The following BICD1 variants were observed in gnomAD, a reference collection of about 807,000 sequenced individuals.
The protein encoded by BICD1 is BICD cargo adaptor 1.
A neutral mutation model predicts 92.5 loss-of-function variants in BICD1; 35 were observed. That is an observed-to-expected ratio of 0.38 (90% CI 0.29 to 0.50). The LOEUF (loss-of-function observed/expected upper bound fraction) is 0.50. BICD1 is among the 20% of genes least tolerant of loss of function. BICD1 has a pLI of 0.93. For missense variants in BICD1, 950 were observed against 1,189.8 expected (o/e 0.80, Z 2.97); for synonymous variants, 429 against 465.1 (o/e 0.92, Z 1.00).
chr12:32,123,282 C>G (rs1372864618), intron 1 of BICD1, among the ~76,000 whole-genome samples: 1 of 152,148 alleles, frequency 6.6e-6, no homozygotes, highest in Non-Finnish European at 1.5e-5. Flanking sequence ...GAGGGGGCCA[C>G]ATGATGTAGC....
intron 1 of BICD1, among the ~76,000 whole-genome samples, chr12:32,202,718 C>T (rs897946): frequency 0.11 from 17,146 of 152,112 alleles, 1,122 homozygotes; most frequent in South Asian, 0.18. Context: ...TCAAGCAGTC[C>T]TCCCATCTCA....
At chr12:32,330,531 A>G (rs1937805810) in intron 5 of BICD1, among the ~76,000 whole-genome samples, 1 of 151,710 alleles carries the variant, frequency 6.6e-6, no homozygotes, top group African/African-American at 2.4e-5. Context: ...TATGTAACAA[A>G]CCTGTACGTT....
chr12:32,337,642 T>C lies in BICD1; in HGVS notation c.2396T>C (p.Phe799Ser). 1 of 1,614,174 alleles carries C rather than the reference T, an allele frequency of 6.2e-7. No homozygotes were observed. Among genetic ancestry groups the C allele is most frequent in the East Asian group, 2.2e-5 (1 of 44,874 alleles). Residue 799 changes from phenylalanine (F) to serine (S), a missense_variant, in exon 7 of 10, where the codon TTT (phenylalanine) becomes TCT (serine). Around this residue, in one of 5 missense-constraint regions of BICD1, gnomAD observed 309 missense variants for 499.4 expected, o/e 0.62. Coordinates refer to ENST00000652176, the MANE Select transcript of BICD1 (RefSeq NM_001714.4). This position sits in a 1 kb window ranked among gnomAD's most constrained non-coding sequence, Gnocchi z 4.7. ...ALTQRLEDLE[F>S]DHEQSRRSKG... ...ACCCAGAGGCTGGAGGACTTAGAGT[T>C]TGACCATGAGCAGTCCCGACGCAGC...
At chr12:32,369,549 G>A (rs924454541) in intron 9 of BICD1, among the ~76,000 whole-genome samples, 22 of 152,268 alleles carry the variant, frequency 1.4e-4, no homozygotes, top group African/African-American at 5.3e-4. Context: ...TGGTCTCAGA[G>A]GCGGTTGTGC....
chr12:32,215,638 A>G (rs1945333338), intron 1 of BICD1, among the ~76,000 whole-genome samples: 1 of 152,072 alleles, frequency 6.6e-6, no homozygotes, highest in Non-Finnish European at 1.5e-5. Context: ...CTATTTCTTG[A>G]TAAGAGTTGT....
intron 1 of BICD1, among the ~76,000 whole-genome samples, chr12:32,112,248 C>T (rs921691564): frequency 6.6e-6 from 1 of 152,148 alleles, no homozygotes; most frequent in Non-Finnish European, 1.5e-5. Context: ...TCAGGTGATC[C>T]GCCTGCCTCA....
chr12:32,195,134 G>C (rs1213831728), intron 1 of BICD1, among the ~76,000 whole-genome samples: 1 of 149,906 alleles, frequency 6.7e-6, no homozygotes, highest in East Asian at 1.9e-4. Flanking sequence ...AAATGGAAAG[G>C]TATCCTCTGT....
At chr12:32,320,075 G>A (rs1031120090) in intron 4 of BICD1, among the ~76,000 whole-genome samples, 1 of 151,978 alleles carries the variant, frequency 6.6e-6, no homozygotes, top group Non-Finnish European at 1.5e-5. Context: ...ATCTTTTGTT[G>A]GGGCACAGAT....
chr12:32,151,235 T>A (rs1246533554), intron 1 of BICD1, among the ~76,000 whole-genome samples: 1 of 152,218 alleles, frequency 6.6e-6, no homozygotes, highest in Non-Finnish European at 1.5e-5. Context: ...CCAGAGGCCC[T>A]CATACAGAGC....
chr12:32,322,660 G>A (rs1279992623), intron 4 of BICD1, among the ~76,000 whole-genome samples: 1 of 152,222 alleles, frequency 6.6e-6, no homozygotes, highest in Non-Finnish European at 1.5e-5. Context: ...ACACATGCAA[G>A]AGACAGTGTT....
intron 1 of BICD1, among the ~76,000 whole-genome samples, chr12:32,118,805 C>T (rs1373831459): frequency 6.6e-6 from 1 of 152,148 alleles, no homozygotes; most frequent in Non-Finnish European, 1.5e-5. Context: ...TGCCCATTAC[C>T]TCTTCATCTG....
intron 1 of BICD1, among the ~76,000 whole-genome samples, chr12:32,154,037 A>G (rs1027008962): frequency 1.3e-5 from 2 of 151,856 alleles, no homozygotes; most frequent in African/African-American, 4.8e-5. Context: ...TGCAGACGGG[A>G]AAGGGACTCT....
rs1185628924 is a variant in BICD1 at position 32,374,910 on chromosome 12, CTT to C, written c.2841-2605_2841-2604del. Among the ~76,000 whole-genome samples the C allele has an allele frequency of 3.2e-3, 157 of 49,584 alleles. 1 individual carries two copies. The highest frequency in any genetic ancestry group is 0.014 in the African/African-American group (135 of 9,678). The allele number at this position is 49,584 out of a possible 152,430, so 32.5% of individuals were successfully genotyped here. A position where few individuals can be genotyped will look rare whatever the true frequency, so the allele number is the denominator to read the frequency against. ...CCTAAGATTTTCTTCATTTATTTTC[CTT>C]TTTTTTTTTTTTTTTTTTTTTTTTG... On this transcript the variant is annotated intron_variant, in intron 9 of 9. Coordinates refer to ENST00000652176, the MANE Select transcript of BICD1 (RefSeq NM_001714.4).
chr12:32,332,282 C>A (rs1410092542), intron 5 of BICD1, among the ~76,000 whole-genome samples: 1 of 141,028 alleles, frequency 7.1e-6, no homozygotes, highest in African/African-American at 2.6e-5. Flanking sequence ...ACTAGGCTTA[C>A]ATACCTGGTG....
chr12:32,203,171 CATTTCATACA>C (rs1372451392), intron 1 of BICD1, among the ~76,000 whole-genome samples: 2 of 152,164 alleles, frequency 1.3e-5, no homozygotes, highest in African/African-American at 4.8e-5. Flanking sequence ...ATCTGTACTT[CATTTCATACA>C]CAAAAATCAA....
intron 2 of BICD1, among the ~76,000 whole-genome samples, chr12:32,290,406 C>T (rs1947694901): frequency 6.6e-6 from 1 of 152,170 alleles, no homozygotes; most frequent in Non-Finnish European, 1.5e-5. Flanking sequence ...GATCTATATT[C>T]ATATTATCAC....
rs1162662533 is a variant in BICD1 at position 32,142,405 on chromosome 12, T to TAAAAAAA, written c.213+34881_213+34887dup. 1.2e-3 allele frequency among the ~76,000 whole-genome samples: 76 copies of TAAAAAAA among 63,392 alleles called. 2 individuals are homozygous for TAAAAAAA. Among genetic ancestry groups the TAAAAAAA allele is most frequent in the African/African-American group, 4.9e-3 (72 of 14,756 alleles). 41.6% of individuals were successfully genotyped at this position (63,392 alleles called of 152,430 possible). ...CTGGGCAAAAGAGTGAGACTCTGTC[T>TAAAAAAA]AAAAAAAAAAAAAAAAAAAAAAAAA... On this transcript the variant is annotated intron_variant, in intron 1 of 9. Coordinates refer to ENST00000652176, the MANE Select transcript of BICD1 (RefSeq NM_001714.4).
chr12:32,371,646 G>A (rs1437437989), intron 9 of BICD1, among the ~76,000 whole-genome samples: 8 of 152,098 alleles, frequency 5.3e-5, no homozygotes, highest in Non-Finnish European at 1.0e-4. Flanking sequence ...GGAGTGCAGT[G>A]GCGTGATCTT....
intron 4 of BICD1, among the ~76,000 whole-genome samples, chr12:32,320,589 C>T (rs1246064836): frequency 6.6e-6 from 1 of 152,056 alleles, no homozygotes; most frequent in Non-Finnish European, 1.5e-5. Context: ...TGCAGTGATC[C>T]AAGATCACGC....
Sources: allele counts gnomAD v4.1 joint callset (sites outside exome capture counted in the v4.1 genomes callset), GRCh38; gene constraint gnomAD v4.1.1; regional missense constraint gnomAD v4.1.1; non-coding constraint Gnocchi (gnomAD v3.1); transcripts MANE v1.5; gene names NCBI Gene and HGNC (gene_info 2026-07-23, HGNC 2026-07-21).